SV2B: variants seen among roughly 807,000 people sequenced by gnomAD.
SV2B encodes the protein synaptic vesicle glycoprotein 2B.
Under a neutral mutation model 73.9 loss-of-function variants are expected in SV2B, and 41 were observed. That is an observed-to-expected ratio of 0.56 (90% CI 0.43 to 0.72). The LOEUF (loss-of-function observed/expected upper bound fraction) is 0.72. Among genes scored for constraint, SV2B ranks in the 30% least tolerant of loss-of-function variants. The pLI is 0.00. For synonymous variants in SV2B, 314 were observed against 314.2 expected, an observed-to-expected ratio of 1.00 and a Z score of 0.01; for missense variants, 764 against 857.8, an observed-to-expected ratio of 0.89 and a Z score of 1.37.
intron 1 of SV2B, among the ~76,000 whole-genome samples, chr15:91,191,063 C>CTTTTTTTTTTTTTTTTTGTTTTT (rs2044998412): frequency 1.6e-5 from 1 of 64,238 alleles, no homozygotes; most frequent in African/African-American, 5.4e-5. Flanking sequence ...TTTGGTGTTT[C>CTTTTTTTTTTTTTTTTTGTTTTT]TTTTTTTTTT....
Position 91,221,693 on chromosome 15 carries a change from G to GCACACACACA in SV2B, c.-391-4156_-391-4147dup, listed in dbSNP as rs3082137. The stretch of plus-strand genomic sequence containing the variant: ...CTGTGGACTATTACCAAGCATGTGC[G>GCACACACACA]CACACACACACACACACACACACAC... On this transcript the variant is annotated intron_variant, in intron 1 of 12. Transcript: ENST00000394232. 6.2e-4 allele frequency among the ~76,000 whole-genome samples: 87 copies of GCACACACACA among 140,152 alleles called. No homozygotes were observed. The Middle Eastern group carries it at 0.014, about 23-fold the overall frequency. The allele number at this position is 140,152 out of a possible 152,430, so 91.9% of individuals were successfully genotyped here. A position where few individuals can be genotyped will look rare whatever the true frequency, so the allele number is the denominator to read the frequency against.
At chr15:91,198,391 G>A (rs1031761723) in intron 1 of SV2B, among the ~76,000 whole-genome samples, 5 of 151,508 alleles carry the variant, frequency 3.3e-5, no homozygotes, top group East Asian at 1.9e-4. Context: ...GGCACTGAAC[G>A]GATTTTTCTC....
rs997041701 is a variant in SV2B at position 91,124,929 on chromosome 15, C to T, written c.-392+24566C>T. On this transcript the variant is annotated intron_variant, in intron 1 of 12. Transcript: ENST00000394232. This position sits in a 1 kb window ranked among gnomAD's most constrained non-coding sequence, Gnocchi z 4.6. Reference sequence around the variant, plus strand: ...TCGGCCTCCCAAAGTGCTGATATTACAGGTGTGAGCCACTGCGCCCAGCCC... The same window carrying T: ...TCGGCCTCCCAAAGTGCTGATATTATAGGTGTGAGCCACTGCGCCCAGCCC... Among the ~76,000 whole-genome samples the T allele has an allele frequency of 1.1e-4, 17 of 152,308 alleles. No individual in the cohort carries two copies. The highest frequency in any genetic ancestry group is 3.4e-4 in the African/African-American group (14 of 41,572).
At chr15:91,178,249 A>G (rs1262662668) in intron 1 of SV2B, among the ~76,000 whole-genome samples, 1 of 151,070 alleles carries the variant, frequency 6.6e-6, no homozygotes, top group South Asian at 2.1e-4. Context: ...AGCCCACTTG[A>G]TCATGGTGGA....
chr15:91,160,113 A>G (rs548408767), intron 1 of SV2B, among the ~76,000 whole-genome samples: 1 of 152,346 alleles, frequency 6.6e-6, no homozygotes, highest in African/African-American at 2.4e-5. Context: ...ATGGAAGATT[A>G]ACATCATAAA....
chr15:91,201,775 A>G (rs966138714), intron 1 of SV2B, among the ~76,000 whole-genome samples: 1 of 152,182 alleles, frequency 6.6e-6, no homozygotes, highest in Non-Finnish European at 1.5e-5. Flanking sequence ...TGCAGCATAG[A>G]TCTGACAGTT....
At chr15:91,277,573 A>G (rs1366080899) in intron 9 of SV2B, among the ~76,000 whole-genome samples, 2 of 152,158 alleles carry the variant, frequency 1.3e-5, no homozygotes, top group African/African-American at 2.4e-5. Context: ...AGCCTTTTGA[A>G]TTTGCTTCTT....
Position 91,292,455 on chromosome 15 carries a change from C to A in SV2B, c.1955C>A (p.Thr652Asn). ...ATCTTTGCTTCTTTTGTTGGGATAA[C>A]CAAAGTGGTCCCCATCCTTCTGGCT... is the stretch of plus-strand genomic sequence containing the variant. ...NTIFASFVGI[T>N]KVVPILLAAA... Residue 652 changes from threonine (T) to asparagine (N), a missense_variant, in exon 13 of 13, where the codon ACC becomes AAC. Coordinates refer to ENST00000394232, the MANE Select transcript of SV2B (RefSeq NM_001323032.3). 6.2e-7 allele frequency: 1 copy of A among 1,614,154 alleles called. No homozygotes were observed. Among genetic ancestry groups the A allele is most frequent in the South Asian group, 1.1e-5 (1 of 91,082 alleles).
chr15:91,142,917 C>T (rs7169775), intron 1 of SV2B, among the ~76,000 whole-genome samples: 48,876 of 152,110 alleles, frequency 0.32, 8,451 homozygotes, highest in Non-Finnish European at 0.38. Flanking sequence ...TATACTCTTA[C>T]ATTTTTACAG....
intron 11 of SV2B, among the ~76,000 whole-genome samples, chr15:91,286,263 G>T (rs992038485): frequency 6.6e-6 from 1 of 152,140 alleles, no homozygotes; most frequent in Non-Finnish European, 1.5e-5. Context: ...GGGATGTGGC[G>T]GAACCACTTT....
At chr15:91,174,335 T>A (rs529600455) in intron 1 of SV2B, among the ~76,000 whole-genome samples, 2 of 152,246 alleles carry the variant, frequency 1.3e-5, no homozygotes, top group Non-Finnish European at 2.9e-5. Flanking sequence ...GGGTTGGTAA[T>A]TAGACTTTGC....
At chr15:91,189,494 T>C (rs1567328401) in intron 1 of SV2B, among the ~76,000 whole-genome samples, 2 of 152,188 alleles carry the variant, frequency 1.3e-5, no homozygotes, top group Non-Finnish European at 2.9e-5. Context: ...ATATATGTAG[T>C]TCGATACTTC....
Position 91,267,460 on chromosome 15 carries a change from C to A in SV2B, c.1120-95C>A. On this transcript the variant is annotated intron_variant, in intron 7 of 12. Transcript: ENST00000394232. The surrounding 1 kb of genome is among the most constrained non-coding windows in gnomAD (Gnocchi z 4.3). ...CCGGTTCTCTCCATGGGTTCCTAGG[C>A]AACTTATTAGAATATCTGAGTAATG... 2 of 1,122,736 alleles carry A rather than the reference C, an allele frequency of 1.8e-6. No homozygotes were observed. Among genetic ancestry groups the A allele is most frequent in the Non-Finnish European group, 2.6e-6 (2 of 757,696 alleles). 69.5% of individuals were successfully genotyped at this position (1,122,736 alleles called of 1,614,324 possible). A position where few individuals can be genotyped will look rare whatever the true frequency, so the allele number is the denominator to read the frequency against.
intron 1 of SV2B, among the ~76,000 whole-genome samples, chr15:91,194,063 G>A (rs568212295): frequency 3.5e-4 from 53 of 151,984 alleles, no homozygotes; most frequent in African/African-American, 1.0e-3. Context: ...TGATGGGTTC[G>A]ATGGTCAGGG....
At chr15:91,104,283 G>T (rs73503147) in intron 1 of SV2B, among the ~76,000 whole-genome samples, 1 of 152,170 alleles carries the variant, frequency 6.6e-6, no homozygotes, top group East Asian at 1.9e-4. Context: ...AGGGCTGGCT[G>T]CTTTAGGATG....
intron 1 of SV2B, among the ~76,000 whole-genome samples, chr15:91,206,373 C>T (rs1452304899): frequency 6.6e-6 from 1 of 152,072 alleles, no homozygotes; most frequent in African/African-American, 2.4e-5. Flanking sequence ...AGGAAGCTCC[C>T]CCTTCCAGCA....
intron 1 of SV2B, among the ~76,000 whole-genome samples, chr15:91,167,525 A>G (rs2043958019): frequency 6.6e-6 from 1 of 152,110 alleles, no homozygotes; most frequent in Non-Finnish European, 1.5e-5. Context: ...CCCTTTCTCC[A>G]TCTGCAAAAC....
Position 91,234,644 on chromosome 15 carries a change from T to C in SV2B, c.451+7930T>C, listed in dbSNP as rs1482327543. 2.0e-5 allele frequency among the ~76,000 whole-genome samples: 3 copies of C among 152,150 alleles called. No homozygotes were observed. Among genetic ancestry groups the C allele is most frequent in the Admixed American group, 6.5e-5 (1 of 15,276 alleles). ...AAGTGAACAGAAGTCTCATGAAATA[T>C]AGAAACAGAGCATCATGGCTTCTTG... On this transcript the variant is annotated intron_variant, in intron 2 of 12. Coordinates refer to ENST00000394232, the MANE Select transcript of SV2B (RefSeq NM_001323032.3). This position sits in a 1 kb window ranked among gnomAD's most constrained non-coding sequence, Gnocchi z 5.6.
In SV2B at chr15:91,288,814, A is replaced by G. The variant is rs1413119983; in HGVS notation, c.1709-707A>G. 6.6e-6 allele frequency among the ~76,000 whole-genome samples: 1 copy of G among 151,992 alleles called. No homozygotes were observed. Among genetic ancestry groups the G allele is most frequent in the East Asian group, 1.9e-4 (1 of 5,176 alleles). On this transcript the variant is annotated intron_variant, in intron 11 of 12. Transcript: ENST00000394232. This position sits in a 1 kb window ranked among gnomAD's most constrained non-coding sequence, Gnocchi z 5.8. ...TGCCTCAGCCTCCCAAGTAGCTGGG[A>G]TTACAGGTGTGCACCACCGGGTCTG...
Sources: allele counts gnomAD v4.1 joint callset (sites outside exome capture counted in the v4.1 genomes callset), GRCh38; gene constraint gnomAD v4.1.1; non-coding constraint Gnocchi (gnomAD v3.1); transcripts MANE v1.5; gene names NCBI Gene and HGNC (gene_info 2026-07-23, HGNC 2026-07-21).